The following SLC24A2 variants were observed in gnomAD, a reference collection of about 807,000 sequenced individuals.
The protein encoded by SLC24A2 is solute carrier family 24 member 2.
In SLC24A2, 36 loss-of-function variants were observed where a neutral mutation model predicts 62.0. The ratio of observed to expected loss-of-function variants is 0.58; its 90% CI spans 0.44 to 0.77. The LOEUF (loss-of-function observed/expected upper bound fraction) is 0.77, where lower values mean the gene tolerates loss of function less well. Among genes scored for constraint, SLC24A2 ranks in the 30% least tolerant of loss-of-function variants. SLC24A2 has a pLI of 0.00. For missense variants in SLC24A2, 846 were observed against 817.9 expected (o/e 1.03, Z -0.42); for synonymous variants, 358 against 294.0 (o/e 1.22, Z -2.23).
At chr9:19,571,084 G>A (rs904877292) in intron 7 of SLC24A2, among the ~76,000 whole-genome samples, 2 of 152,188 alleles carry the variant, frequency 1.3e-5, no homozygotes, top group African/African-American at 2.4e-5. Context: ...CAGATGGAGA[G>A]GCATGGGGAT....
the SLC24A2 span, among the ~76,000 whole-genome samples, chr9:20,206,324 G>A: frequency 1.3e-5 from 2 of 152,176 alleles, no homozygotes; most frequent in Non-Finnish European, 2.9e-5. Flanking sequence ...AGTGAATGCA[G>A]AAGCAGATAT....
chr9:20,181,838 A>G, the SLC24A2 span, among the ~76,000 whole-genome samples: 2 of 152,188 alleles, frequency 1.3e-5, no homozygotes, highest in Non-Finnish European at 2.9e-5. Flanking sequence ...TATCAGCAGA[A>G]TGAATAGGCA....
rs950455981 is a variant in SLC24A2 at position 19,521,300 on chromosome 9, C to T, written c.1570-240G>A. 2.6e-5 allele frequency among the ~76,000 whole-genome samples: 4 copies of T among 152,154 alleles called. No homozygotes were observed. The East Asian group carries it at 5.8e-4, about 22-fold the overall frequency. ...TTAAACAGATAATCTCAAAAAAGAG[C>T]TCTAGAGGGCTAGAGTGTAGCCTTT... On this transcript the variant is annotated intron_variant, in intron 9 of 10. Coordinates refer to ENST00000341998, the MANE Select transcript of SLC24A2 (RefSeq NM_020344.4).
chr9:19,652,719 A>G (rs1032948106), intron 2 of SLC24A2, among the ~76,000 whole-genome samples: 14 of 152,342 alleles, frequency 9.2e-5, no homozygotes, highest in African/African-American at 3.1e-4. Context: ...TTATACTGGT[A>G]ATAATAGGAA....
In SLC24A2 at chr9:19,622,316, G is replaced by C; in HGVS notation, c.931-17C>G. 1 of 1,610,592 alleles carries C rather than the reference G, an allele frequency of 6.2e-7. No homozygotes were observed. On this transcript the variant is annotated splice_polypyrimidine_tract_variant and intron_variant, in intron 2 of 10. Transcript: ENST00000341998. ...TGCAGATGGCTGCATAAGAGAAAAAGGCAAAGACAAAAGACAAAGAAATAA... is the reference window on the plus strand; with the variant it reads ...TGCAGATGGCTGCATAAGAGAAAAACGCAAAGACAAAAGACAAAGAAATAA...
intron 7 of SLC24A2, among the ~76,000 whole-genome samples, chr9:19,572,259 C>CAAAA (rs34529143): frequency 8.6e-5 from 6 of 69,746 alleles, no homozygotes; most frequent in Middle Eastern, 9.6e-3. Flanking sequence ...GAGTCCGTCT[C>CAAAA]AAAAAAAAAA....
intron 6 of SLC24A2, among the ~76,000 whole-genome samples, chr9:19,576,082 C>G (rs1265490299): frequency 1.6e-4 from 24 of 152,106 alleles, no homozygotes; most frequent in Admixed American, 1.6e-3. Context: ...TGTTTCTCAG[C>G]CAAAAATTTT....
chr9:19,729,304 G>A (rs979794571), intron 2 of SLC24A2, among the ~76,000 whole-genome samples: 2 of 152,202 alleles, frequency 1.3e-5, no homozygotes, highest in Non-Finnish European at 2.9e-5. Flanking sequence ...ATGGAAAATA[G>A]TATGGAGGTT....
the SLC24A2 span, among the ~76,000 whole-genome samples, chr9:19,992,876 C>G: frequency 8.5e-5 from 13 of 152,352 alleles, no homozygotes; most frequent in South Asian, 2.7e-3. Context: ...GCAGGACAAT[C>G]TGTCGACCTA....
At chr9:19,905,618 G>A in the SLC24A2 span, among the ~76,000 whole-genome samples, 1 of 151,794 alleles carries the variant, frequency 6.6e-6, no homozygotes, top group African/African-American at 2.4e-5. Context: ...TCTCCATGTT[G>A]GTCAGGCTGC....
intron 2 of SLC24A2, among the ~76,000 whole-genome samples, chr9:19,638,271 G>A (rs1818408708): frequency 6.6e-6 from 1 of 152,130 alleles, no homozygotes; most frequent in African/African-American, 2.4e-5. Context: ...GCACTGAGTT[G>A]GAGAAAAAGG....
At chr9:19,953,654 T>C in the SLC24A2 span, among the ~76,000 whole-genome samples, 1 of 152,102 alleles carries the variant, frequency 6.6e-6, no homozygotes, top group Admixed American at 6.5e-5. Flanking sequence ...TTTTATTTCC[T>C]AATAACAAGT....
chr9:20,187,434 A>T, the SLC24A2 span, among the ~76,000 whole-genome samples: 5 of 152,116 alleles, frequency 3.3e-5, no homozygotes, highest in African/African-American at 9.7e-5. Flanking sequence ...CAAACTTCTG[A>T]GCCTGGAGTA....
At chr9:20,257,094 C>T in the SLC24A2 span, among the ~76,000 whole-genome samples, 1 of 152,134 alleles carries the variant, frequency 6.6e-6, no homozygotes, top group Non-Finnish European at 1.5e-5. Flanking sequence ...AAATGAGAGG[C>T]ACTATCAATC....
the SLC24A2 span, among the ~76,000 whole-genome samples, chr9:20,017,647 T>C: frequency 6.1e-3 from 924 of 152,226 alleles, 10 homozygotes; most frequent in South Asian, 0.026. Context: ...AAACCAACAA[T>C]GCAGCCTTCA....
chr9:19,716,676 C>A (rs1482469324), intron 2 of SLC24A2, among the ~76,000 whole-genome samples: 1 of 152,176 alleles, frequency 6.6e-6, no homozygotes, highest in African/African-American at 2.4e-5. Context: ...CCTTTGCCTA[C>A]CTCCCCTATC....
the SLC24A2 span, among the ~76,000 whole-genome samples, chr9:20,279,531 T>C: frequency 2.6e-5 from 4 of 152,108 alleles, no homozygotes; most frequent in Non-Finnish European, 2.9e-5. Flanking sequence ...AACTCTGTCT[T>C]AAAAAATAAA....
chr9:20,253,719 C>T, the SLC24A2 span, among the ~76,000 whole-genome samples: 1 of 152,134 alleles, frequency 6.6e-6, no homozygotes, highest in Non-Finnish European at 1.5e-5. Flanking sequence ...GTGAGTGATC[C>T]AGTAGCAGAG....
intron 2 of SLC24A2, among the ~76,000 whole-genome samples, chr9:19,761,055 G>C (rs577494069): frequency 3.3e-5 from 5 of 152,006 alleles, no homozygotes; most frequent in Non-Finnish European, 5.9e-5. Flanking sequence ...TTAACTTAAA[G>C]TATAATAAAA....
Sources: allele counts gnomAD v4.1 joint callset (sites outside exome capture counted in the v4.1 genomes callset), GRCh38; gene constraint gnomAD v4.1.1; transcripts MANE v1.5; gene names NCBI Gene and HGNC (gene_info 2026-07-23, HGNC 2026-07-21).